The following HSPG2 variants were observed in gnomAD, a reference collection of about 807,000 sequenced individuals.
HSPG2 encodes the protein heparan sulfate proteoglycan 2.
In HSPG2, 278 loss-of-function variants were observed where a neutral mutation model predicts 526.6. That is an observed-to-expected ratio of 0.53 (90% CI 0.48 to 0.58). The LOEUF (loss-of-function observed/expected upper bound fraction) is 0.58, where lower values mean the gene tolerates loss of function less well. HSPG2 is among the 20% of genes least tolerant of loss of function. The pLI is 0.00. For synonymous variants in HSPG2, 2,465 were observed against 2,555.4 expected (o/e 0.96, Z 1.07); for missense variants, 5,354 against 6,099.5 (o/e 0.88, Z 4.07).
intron 44 of HSPG2, 124 bp downstream of exon 44, chr1:21,856,891 G>T: frequency 9.6e-7 from 1 of 1,045,288 alleles, no homozygotes; most frequent in Non-Finnish European, 1.5e-6. Flanking sequence ...GCAGAGCCTA[G>T]ACCAGGACCA....
chr1:21,907,985 G>T (rs1643468337), intron 1 of HSPG2: 1 of 610,300 alleles, frequency 1.6e-6, no homozygotes, highest in Non-Finnish European at 3.0e-6. Flanking sequence ...TACGGCTGTT[G>T]TGAGGGTTAA....
chr1:21,874,941 C>G lies in HSPG2; in HGVS notation c.3364G>C (p.Glu1122Gln). Reference protein sequence around the residue: ...PEETGQDPALEVEQCSCPPGY... With the variant: ...PEETGQDPALQVEQCSCPPGY... ...GGTGGGCAGGAGCACTGTTCCACTTCCAGCGCGGGGTCCTGGCCGGTTTCC... is the reference window on the plus strand; with the variant it reads ...GGTGGGCAGGAGCACTGTTCCACTTGCAGCGCGGGGTCCTGGCCGGTTTCC... The change falls in exon 26 of 97, where the codon GAA (glutamate) becomes CAA (glutamine). Residue 1122 changes from glutamate to glutamine, a missense_variant. Glu to Gln is a conservative substitution (Grantham distance 29). Transcript: ENST00000374695. 6.2e-7 allele frequency: 1 copy of G among 1,612,788 alleles called. No homozygotes were observed. Among genetic ancestry groups the G allele is most frequent in the South Asian group, 1.1e-5 (1 of 90,752 alleles).
chr1:21,907,356 C>T (rs967058991), intron 1 of HSPG2, among the ~76,000 whole-genome samples: 1 of 152,122 alleles, frequency 6.6e-6, no homozygotes, highest in African/African-American at 2.4e-5. Flanking sequence ...CAGCTCTGCT[C>T]GCTGGTCCCT....
intron 84 of HSPG2, 53 bp downstream of exon 84, chr1:21,831,162 T>C: frequency 1.2e-6 from 2 of 1,603,110 alleles, no homozygotes; most frequent in Admixed American, 1.7e-5. Context: ...GGGCCAGCCA[T>C]GGCTAGGGGT....
intron 57 of HSPG2, 84 bp from the exon 58 acceptor site, chr1:21,849,115 C>G (rs907574567): frequency 3.3e-6 from 5 of 1,499,592 alleles, no homozygotes; most frequent in Non-Finnish European, 4.6e-6. Flanking sequence ...CCTGGTGCCA[C>G]TCCCAGCCCA....
At chr1:21,841,048 A>C in intron 71 of HSPG2, 53 bp downstream of exon 71, 1 of 1,533,234 alleles carries the variant, frequency 6.5e-7, no homozygotes, top group South Asian at 1.2e-5. Context: ...GCACCCGCTC[A>C]AGGCTGGGCC....
intron 47 of HSPG2, 90 bp from the exon 48 acceptor site, chr1:21,855,073 G>C: frequency 6.6e-7 from 1 of 1,523,244 alleles, no homozygotes; most frequent in South Asian, 1.1e-5. Context: ...GGAGAGGCAG[G>C]TGCAGGGCCA....
intron 3 of HSPG2, among the ~76,000 whole-genome samples, chr1:21,891,667 G>A (rs1469780874): frequency 6.6e-6 from 1 of 152,102 alleles, no homozygotes; most frequent in Non-Finnish European, 1.5e-5. Flanking sequence ...CTGGAGTGCG[G>A]TAGCAAAATC....
rs1182033585 is a variant in HSPG2, at chr1:21,879,129, AAGG to A, written c.2344-11_2344-9del. 4 of 1,614,142 alleles carry A rather than the reference AAGG, an allele frequency of 2.5e-6. No individual in the cohort carries two copies. Among genetic ancestry groups the A allele is most frequent in the East Asian group, 2.2e-5 (1 of 44,880 alleles). The stretch of plus-strand genomic sequence containing the variant: ...CGTGTTGTGCTGGCAATTCTAGAAG[AAGG>A]AGGAGGGTATGGCTCAACTTCTAGA... On this transcript the variant is annotated splice_polypyrimidine_tract_variant and intron_variant, in intron 17 of 96. Transcript: ENST00000374695.
chr1:21,823,730 A>G lies in HSPG2; in HGVS notation c.12900-11T>C, dbSNP rs1447582834. The G allele has an allele frequency of 2.5e-6, 4 of 1,609,726 alleles. No homozygotes were observed. Among genetic ancestry groups the G allele is most frequent in the Admixed American group, 1.7e-5 (1 of 59,982 alleles). ...CCTCTGCGGCCCTCCCTGCAGTGGA[A>G]CTGGGTCAGGCCCCTTTCCACAAAC... On this transcript the variant is annotated splice_polypyrimidine_tract_variant and intron_variant, in intron 95 of 96. Transcript: ENST00000374695.
chr1:21,822,315 A>G lies in HSPG2; in HGVS notation c.*1001T>C. 1 of 1,262,484 alleles carries G rather than the reference A, an allele frequency of 7.9e-7. No homozygotes were observed. 78.2% of individuals were successfully genotyped at this position (1,262,484 alleles called of 1,614,324 possible). A position where few individuals can be genotyped will look rare whatever the true frequency, so the allele number is the denominator to read the frequency against. On this transcript the variant is annotated 3_prime_UTR_variant, in exon 97 of 97. Transcript: ENST00000374695. ...CAGGAGGGTCCCTTCTAGGACACAG[A>G]GGCCAGGCGTCCCAACCCCACAGTC...
In HSPG2 at chr1:21,875,706, C is replaced by G. The variant is rs1477819953; in HGVS notation, c.3225G>C (p.Glu1075Asp). ...TGCCTGCCAGTGCCATCAGCAGGTGCTCCCGTGTGGCTGGCTGCCCATCGG... is the reference window on the plus strand; with the variant it reads ...TGCCTGCCAGTGCCATCAGCAGGTGGTCCCGTGTGGCTGGCTGCCCATCGG... ...QRPDGQPATR[E>D]HLLMALAGID... Residue 1075 changes from glutamate (E) to aspartate (D), a missense_variant, in exon 25 of 97, where the codon GAG (glutamate) becomes GAC (aspartate). Physicochemically the swap from Glu to Asp is conservative, Grantham distance 45 (BLOSUM62 2). Coordinates refer to ENST00000374695, the MANE Select transcript of HSPG2 (RefSeq NM_005529.7). 1 of 1,604,848 alleles carries G rather than the reference C, an allele frequency of 6.2e-7. No individual in the cohort carries two copies.
At chr1:21,928,001 G>A (rs1644250489) in intron 1 of HSPG2, among the ~76,000 whole-genome samples, 1 of 152,198 alleles carries the variant, frequency 6.6e-6, no homozygotes, top group South Asian at 2.1e-4. Flanking sequence ...GTGCAATCAC[G>A]GATTGTCAAA....
Position 21,833,395 on chromosome 1 carries a change from A to T in HSPG2, c.10979-11T>A. The stretch of plus-strand genomic sequence containing the variant: ...AGGGCACCACCCGCTCTGCCAGCAG[A>T]GAGCACAGCTGAAGACCCTGCCAGT... On this transcript the variant is annotated splice_polypyrimidine_tract_variant and intron_variant, in intron 79 of 96. Coordinates refer to ENST00000374695, the MANE Select transcript of HSPG2 (RefSeq NM_005529.7). 6.2e-7 allele frequency: 1 copy of T among 1,614,104 alleles called. No homozygotes were observed. Among genetic ancestry groups the T allele is most frequent in the Non-Finnish European group, 8.5e-7 (1 of 1,179,944 alleles).
At chr1:21,837,782 T>C (rs1248272306) in intron 74 of HSPG2, among the ~76,000 whole-genome samples, 2 of 152,152 alleles carry the variant, frequency 1.3e-5, no homozygotes, top group East Asian at 1.9e-4. Flanking sequence ...TTTACCTCTG[T>C]GTACCTTTCC....
chr1:21,876,762 T>G (rs1325506880), intron 21 of HSPG2, 110 bp from the exon 22 acceptor site: 2 of 1,457,972 alleles, frequency 1.4e-6, no homozygotes, highest in African/African-American at 2.8e-5. Flanking sequence ...GGGGAGCCAC[T>G]GAAAGAGCAC....
Position 21,864,393 on chromosome 1 carries a change from C to A in HSPG2, c.4627-180G>T, listed in dbSNP as rs560296837. Among the ~76,000 whole-genome samples the A allele has an allele frequency of 1.3e-5, 2 of 152,278 alleles. No homozygotes were observed. The highest frequency in any genetic ancestry group is 4.8e-5 in the African/African-American group (2 of 41,564). On this transcript the variant is annotated intron_variant, in intron 36 of 96. Transcript: ENST00000374695. The surrounding 1 kb of genome is among the most constrained non-coding windows in gnomAD (Gnocchi z 4.8). ...CCACCCACGGCCCTCTCCCAGTCCA[C>A]ACTGTTCACCTCTGGGAGGCATCTC...
At chr1:21,892,948 C>T (rs1297792815) in intron 3 of HSPG2, among the ~76,000 whole-genome samples, 3 of 152,026 alleles carry the variant, frequency 2.0e-5, no homozygotes, top group South Asian at 2.1e-4. Context: ...AGGGGCGAGG[C>T]TGCCTTGGAA....
intron 16 of HSPG2, 46 bp downstream of exon 16, chr1:21,880,317 T>G (rs572033213): frequency 6.2e-7 from 1 of 1,613,686 alleles, no homozygotes; most frequent in East Asian, 2.2e-5. Context: ...TTCTCCTCTA[T>G]CCTTGCTAGG....
Sources: allele counts gnomAD v4.1 joint callset (sites outside exome capture counted in the v4.1 genomes callset), GRCh38; gene constraint gnomAD v4.1.1; non-coding constraint Gnocchi (gnomAD v3.1); transcripts MANE v1.5; gene names NCBI Gene and HGNC (gene_info 2026-07-23, HGNC 2026-07-21).